Variants in PMP22 observed in about 807,000 individuals in gnomAD.
PMP22 encodes the protein peripheral myelin protein 22.
In PMP22, 2 loss-of-function variants were observed where a neutral mutation model predicts 18.9. The observed-to-expected ratio is 0.11, with a 90% confidence interval of 0.04 to 0.33. The LOEUF (loss-of-function observed/expected upper bound fraction) is 0.33, where lower values mean the gene tolerates loss of function less well. PMP22 is among the 10% of genes least tolerant of loss of function. The probability of loss-of-function intolerance (pLI) is 1.00; values close to 1 mark genes in which losing one functional copy is unlikely to be tolerated. For missense variants in PMP22, 169 were observed against 202.2 expected (o/e 0.84, Z 1.00); for synonymous variants, 95 against 89.2 (o/e 1.07, Z -0.37).
chr17:15,253,809 C>T lies in PMP22; in HGVS notation c.178+5285G>A, dbSNP rs769842368. ...GGCTCCTGGCCACTCCTCAAGGAGACCTTCCTTCACCACTGCAATCCCTCT... is the reference window on the plus strand; with the variant it reads ...GGCTCCTGGCCACTCCTCAAGGAGATCTTCCTTCACCACTGCAATCCCTCT... On this transcript the variant is annotated intron_variant, in intron 3 of 4. Transcript: ENST00000312280. 1.8e-4 allele frequency among the ~76,000 whole-genome samples: 28 copies of T among 152,266 alleles called. No individual in the cohort carries two copies. In the Middle Eastern group the frequency reaches 0.01, roughly 55 times the overall value.
rs1248490971 is a variant in PMP22, at chr17:15,239,822, T to TATAC, written c.179-215_179-212dup. On this transcript the variant is annotated intron_variant, in intron 3 of 4. Transcript: ENST00000312280. ...ATTGTTTATTTTGGAGGAAAAAATA[T>TATAC]ATACATATATACATACATCTATATG... Among the ~76,000 whole-genome samples the TATAC allele has an allele frequency of 3.3e-5, 5 of 152,350 alleles. No homozygotes were observed. In the East Asian group the frequency reaches 9.6e-4, roughly 29 times the overall value.
chr17:15,247,548 C>T (rs1335345823), intron 3 of PMP22, among the ~76,000 whole-genome samples: 1 of 152,180 alleles, frequency 6.6e-6, no homozygotes, highest in South Asian at 2.1e-4. Context: ...ATTTCAAGGT[C>T]AGATTCCTGC....
intron 4 of PMP22, among the ~76,000 whole-genome samples, chr17:15,231,747 A>G (rs1906374929): frequency 6.6e-6 from 1 of 152,220 alleles, no homozygotes; most frequent in Non-Finnish European, 1.5e-5. Context: ...AAGATGATCA[A>G]AGGCAAGCTC....
At chr17:15,243,501 G>A (rs1215405231) in intron 3 of PMP22, among the ~76,000 whole-genome samples, 1 of 151,372 alleles carries the variant, frequency 6.6e-6, no homozygotes, top group Non-Finnish European at 1.5e-5. Context: ...AAACCAAAAC[G>A]AACAAATGAA....
intron 3 of PMP22, among the ~76,000 whole-genome samples, chr17:15,240,901 AC>A (rs1320001395): frequency 6.6e-6 from 1 of 152,174 alleles, no homozygotes; most frequent in Non-Finnish European, 1.5e-5. Flanking sequence ...AGTAAGATAA[AC>A]TTGTTTTGAG....
At chr17:15,237,224 A>G (rs1906893841) in intron 4 of PMP22, among the ~76,000 whole-genome samples, 1 of 152,238 alleles carries the variant, frequency 6.6e-6, no homozygotes, top group Admixed American at 6.5e-5. Context: ...GTTTGGCTGA[A>G]CTGAAATACT....
intron 2 of PMP22, 99 bp downstream of exon 2, chr17:15,260,551 G>C: frequency 9.8e-7 from 1 of 1,020,720 alleles, no homozygotes; most frequent in Non-Finnish European, 1.5e-6. Context: ...ACTTCCAACT[G>C]TCTGCAAATA....
intron 3 of PMP22, among the ~76,000 whole-genome samples, chr17:15,254,369 G>A (rs908226501): frequency 1.3e-5 from 2 of 152,196 alleles, no homozygotes; most frequent in Non-Finnish European, 2.9e-5. Flanking sequence ...GACCACAGGT[G>A]GGCAACAGGC....
At chr17:15,256,599 C>G (rs1463986627) in intron 3 of PMP22, among the ~76,000 whole-genome samples, 1 of 152,172 alleles carries the variant, frequency 6.6e-6, no homozygotes, top group African/African-American at 2.4e-5. Context: ...CGAGATTGCA[C>G]CACTATTTAT....
chr17:15,231,641 G>A (rs1906361559), intron 4 of PMP22, among the ~76,000 whole-genome samples: 1 of 152,188 alleles, frequency 6.6e-6, no homozygotes, highest in Non-Finnish European at 1.5e-5. Context: ...TATGGGCACT[G>A]CCAAACAGAC....
intron 3 of PMP22, among the ~76,000 whole-genome samples, chr17:15,253,539 G>A (rs141222076): frequency 0.013 from 2,034 of 152,118 alleles, 16 homozygotes; most frequent in Non-Finnish European, 0.02. Context: ...TGAGAAACCC[G>A]TGGAAGACAG....
rs1301619001 is a variant in PMP22, at chr17:15,258,357, C to T, written c.178+737G>A. Among the ~76,000 whole-genome samples, 3 of 152,154 alleles carry T rather than the reference C, an allele frequency of 2.0e-5. No individual in the cohort carries two copies. Among genetic ancestry groups the T allele is most frequent in the Admixed American group, 1.3e-4 (2 of 15,284 alleles). On this transcript the variant is annotated intron_variant, in intron 3 of 4. Transcript: ENST00000312280. This position sits in a 1 kb window ranked among gnomAD's most constrained non-coding sequence, Gnocchi z 4.1. ...GCATCCAAACACACAGGGCTCCTGG[C>T]TGGGTGTTCCTTTCCCTCTGGGTGC...
intron 3 of PMP22, among the ~76,000 whole-genome samples, chr17:15,248,429 T>A (rs972754085): frequency 6.6e-6 from 1 of 152,234 alleles, no homozygotes; most frequent in African/African-American, 2.4e-5. Context: ...TTCAATGAAC[T>A]GCATTCCTAA....
intron 4 of PMP22, chr17:15,235,175 C>T (rs1906689447): frequency 1.4e-6 from 1 of 716,622 alleles, no homozygotes; most frequent in Admixed American, 2.0e-5. Flanking sequence ...ATTAACAAAA[C>T]AAATGAACAA....
chr17:15,253,449 C>A (rs1908538861), intron 3 of PMP22, among the ~76,000 whole-genome samples: 2 of 152,208 alleles, frequency 1.3e-5, no homozygotes, highest in Non-Finnish European at 2.9e-5. Flanking sequence ...CGATGCATTT[C>A]TACCTTGTAC....
intron 3 of PMP22, among the ~76,000 whole-genome samples, chr17:15,248,738 A>C (rs1019693256): frequency 6.6e-6 from 1 of 152,214 alleles, no homozygotes; most frequent in Non-Finnish European, 1.5e-5. Context: ...ACGATGAAGG[A>C]TATCAATCTC....
intron 4 of PMP22, among the ~76,000 whole-genome samples, chr17:15,236,292 G>C (rs1469238108): frequency 3.9e-5 from 6 of 152,118 alleles, no homozygotes; most frequent in Non-Finnish European, 5.9e-5. Context: ...CTAGAGCAAG[G>C]AGACAGACAA....
In PMP22 at chr17:15,239,458, A is replaced by G; in HGVS notation, c.319+13T>C. 1 of 1,614,194 alleles carries G rather than the reference A, an allele frequency of 6.2e-7. No homozygotes were observed. Among genetic ancestry groups the G allele is most frequent in the Non-Finnish European group, 8.5e-7 (1 of 1,179,990 alleles). ...ACCCCGCTTCCACATGGACTTTACC[A>G]TCCACAACTTACCAGCAAGAATTTG... On this transcript the variant is annotated intron_variant, in intron 4 of 4. Transcript: ENST00000312280.
At chr17:15,257,471 C>T (rs1022628408) in intron 3 of PMP22, among the ~76,000 whole-genome samples, 1 of 152,224 alleles carries the variant, frequency 6.6e-6, no homozygotes, top group African/African-American at 2.4e-5. Flanking sequence ...GGGATGGCGC[C>T]TGTGAGCACC....
Sources: gnomAD v4.1 joint callset for allele counts (sites outside exome capture counted in the v4.1 genomes callset) on GRCh38, gnomAD v4.1.1 for gene constraint, Gnocchi (gnomAD v3.1) non-coding constraint, MANE v1.5 for transcripts, NCBI Gene and HGNC (gene_info 2026-07-23, HGNC 2026-07-21) for gene names.